RASAL2: variants seen among roughly 807,000 people sequenced by gnomAD.
RASAL2 encodes the protein RAS protein activator like 2, also known as ras GTPase-activating protein nGAP.
Under a neutral mutation model 128.9 loss-of-function variants are expected in RASAL2, and 58 were observed. That is an observed-to-expected ratio of 0.45 (90% CI 0.36 to 0.56). The LOEUF (loss-of-function observed/expected upper bound fraction) is 0.56. Ranked by LOEUF, RASAL2 falls within the 20% of genes least tolerant of loss-of-function variation. The pLI, the probability that RASAL2 is intolerant of heterozygous loss-of-function variation, is 0.00. For synonymous variants in RASAL2, 561 were observed against 580.8 expected (o/e 0.97, Z 0.49); for missense variants, 1,360 against 1,601.6 (o/e 0.85, Z 2.57).
At chr1:178,241,315 G>A (rs1046340074) in intron 1 of RASAL2, among the ~76,000 whole-genome samples, 1 of 152,104 alleles carries the variant, frequency 6.6e-6, no homozygotes, top group African/African-American at 2.4e-5. Context: ...AGCTGTGTTA[G>A]GAAATAAGCT....
At chr1:178,434,065 T>TA (rs1345069405) in intron 5 of RASAL2, among the ~76,000 whole-genome samples, 1 of 152,128 alleles carries the variant, frequency 6.6e-6, no homozygotes, top group Admixed American at 6.6e-5. Context: ...TGTCCACTCT[T>TA]ACTGGTATGT....
intron 17 of RASAL2, among the ~76,000 whole-genome samples, chr1:178,472,454 C>T (rs928482993): frequency 2.6e-5 from 4 of 152,120 alleles, no homozygotes; most frequent in East Asian, 1.9e-4. Context: ...ATTCCCTTTT[C>T]GGCACATCTC....
intron 3 of RASAL2, among the ~76,000 whole-genome samples, chr1:178,322,774 C>T (rs1195296951): frequency 6.6e-6 from 1 of 152,148 alleles, no homozygotes; most frequent in Non-Finnish European, 1.5e-5. Context: ...TTTACTGTAT[C>T]TCCACTGATC....
At chr1:178,277,324 GATTTTTGT>G (rs1174914673) in intron 1 of RASAL2, among the ~76,000 whole-genome samples, 1 of 151,980 alleles carries the variant, frequency 6.6e-6, no homozygotes, top group East Asian at 1.9e-4. Context: ...ATGCCTGGCT[GATTTTTGT>G]ATTTTTTGTA....
chr1:178,332,430 G>A (rs1338525305), intron 3 of RASAL2, among the ~76,000 whole-genome samples: 2 of 151,728 alleles, frequency 1.3e-5, no homozygotes, highest in African/African-American at 2.4e-5. Flanking sequence ...GCTTGAACCC[G>A]GGAGGCAGAA....
At position 178,458,428 on chromosome 1, in the gene RASAL2, G is replaced by A. The variant is rs374239764; in HGVS notation, c.3136G>A (p.Ala1046Thr). Residue 1046 changes from alanine (A) to threonine (T), a missense_variant, in exon 14 of 18, where the codon GCA (alanine) becomes ACA (threonine). By Grantham distance (58) the Ala-to-Thr change is moderately conservative. Coordinates refer to ENST00000367649, the MANE Select transcript of RASAL2 (RefSeq NM_170692.4). ...RSTGSMSVVSAALVAEPVQNG... is the reference protein window; with the variant it reads ...RSTGSMSVVSTALVAEPVQNG... Reference sequence around the variant, plus strand: ...CACCGGGAGCATGTCAGTGGTGTCCGCAGCCCTGGTGGCCGAACCTGTGCA... The same window carrying A: ...CACCGGGAGCATGTCAGTGGTGTCCACAGCCCTGGTGGCCGAACCTGTGCA... The A allele has an allele frequency of 3.6e-5, 58 of 1,614,048 alleles. No homozygotes were observed. In the East Asian group the frequency reaches 8.5e-4, roughly 24 times the overall value.
chr1:178,325,998 G>A (rs755063189), intron 3 of RASAL2, among the ~76,000 whole-genome samples: 2 of 152,204 alleles, frequency 1.3e-5, no homozygotes, highest in Non-Finnish European at 2.9e-5. Flanking sequence ...GGCAGAGGTG[G>A]GAGGATCACT....
chr1:178,098,266 C>T (rs1277138490), intron 1 of RASAL2, among the ~76,000 whole-genome samples: 1 of 152,182 alleles, frequency 6.6e-6, no homozygotes, highest in African/African-American at 2.4e-5. Flanking sequence ...CTTTGACCAT[C>T]CAGATCTCAA....
chr1:178,393,025 G>A (rs1673002605), intron 4 of RASAL2, among the ~76,000 whole-genome samples: 1 of 152,130 alleles, frequency 6.6e-6, no homozygotes, highest in Non-Finnish European at 1.5e-5. Context: ...TACTGAACCT[G>A]TAGGTTAAGG....
At position 178,451,631 on chromosome 1, in the gene RASAL2, G is replaced by T; in HGVS notation, c.1688G>T (p.Cys563Phe). 6.2e-7 allele frequency: 1 copy of T among 1,613,876 alleles called. No homozygotes were observed. Among genetic ancestry groups the T allele is most frequent in the Non-Finnish European group, 8.5e-7 (1 of 1,179,802 alleles). ...AACTGTGAAGTGGATCCCAGCAAAT[G>T]TTCATCTAGTGAACTGATAGACCAT... ...DENCEVDPSKCSSSELIDHQS... is the reference protein window; with the variant it reads ...DENCEVDPSKFSSSELIDHQS... The change falls in exon 10 of 18, where the codon TGT (cysteine) becomes TTT (phenylalanine). Residue 563 changes from cysteine to phenylalanine, a missense_variant. This residue lies in a region of RASAL2 where 617 missense variants were observed against 714.2 expected (regional missense o/e 0.86). Coordinates refer to ENST00000367649, the MANE Select transcript of RASAL2 (RefSeq NM_170692.4).
At chr1:178,107,071 A>AT (rs1034572781) in intron 1 of RASAL2, among the ~76,000 whole-genome samples, 1 of 151,710 alleles carries the variant, frequency 6.6e-6, no homozygotes, top group African/African-American at 2.4e-5. Context: ...AAAACCTTGC[A>AT]TTTTTTTCTG....
At chr1:178,349,973 T>C (rs1026388670) in intron 3 of RASAL2, among the ~76,000 whole-genome samples, 1 of 152,234 alleles carries the variant, frequency 6.6e-6, no homozygotes, top group Non-Finnish European at 1.5e-5. Flanking sequence ...CATGCCCGTC[T>C]TATCTTCTCA....
chr1:178,116,678 C>T (rs574555996), intron 1 of RASAL2, among the ~76,000 whole-genome samples: 21 of 152,212 alleles, frequency 1.4e-4, no homozygotes, highest in Admixed American at 2.6e-4. Context: ...GGCACGATCT[C>T]GGCTCACTGC....
intron 4 of RASAL2, among the ~76,000 whole-genome samples, chr1:178,391,227 G>C (rs1198804999): frequency 1.3e-5 from 2 of 152,124 alleles, no homozygotes; most frequent in Non-Finnish European, 2.9e-5. Flanking sequence ...TTCCAGGATG[G>C]TCTATAGTGC....
In RASAL2 at chr1:178,094,162, G is replaced by A; in HGVS notation, c.-331G>A. ...GGCTGAAGAAGGCGGCTCCGAGGAGGTGGGAGGGCGAGCCTCCCCTCCCGG... is the reference window on the plus strand; with the variant it reads ...GGCTGAAGAAGGCGGCTCCGAGGAGATGGGAGGGCGAGCCTCCCCTCCCGG... On this transcript the variant is annotated 5_prime_UTR_variant, in exon 1 of 18. It adds an upstream start codon to the 5' untranslated region. Coordinates refer to ENST00000367649, the MANE Select transcript of RASAL2 (RefSeq NM_170692.4). 2.9e-6 allele frequency: 1 copy of A among 347,558 alleles called. No individual in the cohort carries two copies. Among genetic ancestry groups the A allele is most frequent in the South Asian group, 4.9e-5 (1 of 20,602 alleles). 21.5% of individuals were successfully genotyped at this position (347,558 alleles called of 1,614,324 possible).
intron 2 of RASAL2, among the ~76,000 whole-genome samples, chr1:178,296,539 A>AT (rs1291136231): frequency 6.6e-6 from 1 of 150,638 alleles, no homozygotes; most frequent in Non-Finnish European, 1.5e-5. Flanking sequence ...TTTATTTTTT[A>AT]TTTTTTTAAA....
At chr1:178,380,929 G>A (rs1202932349) in intron 3 of RASAL2, among the ~76,000 whole-genome samples, 2 of 152,126 alleles carry the variant, frequency 1.3e-5, no homozygotes, top group African/African-American at 4.8e-5. Flanking sequence ...TTATATAAAT[G>A]TATTAATTGG....
intron 3 of RASAL2, 109 bp from the exon 4 acceptor site, chr1:178,389,991 C>A: frequency 1.4e-6 from 1 of 693,358 alleles, no homozygotes; most frequent in Non-Finnish European, 2.5e-6. Context: ...ATGTAATATA[C>A]CTTTAAAGCA....
intron 1 of RASAL2, among the ~76,000 whole-genome samples, chr1:178,268,009 AGTT>A (rs914890782): frequency 1.3e-5 from 2 of 149,808 alleles, no homozygotes; most frequent in African/African-American, 2.5e-5. Flanking sequence ...TCCAGTAGTT[AGTT>A]GTTGTTTTTT....
Sources: allele counts gnomAD v4.1 joint callset (sites outside exome capture counted in the v4.1 genomes callset), GRCh38; gene constraint gnomAD v4.1.1; regional missense constraint gnomAD v4.1.1; transcripts MANE v1.5; gene names NCBI Gene and HGNC (gene_info 2026-07-23, HGNC 2026-07-21).